Variants in MRGPRX3 observed in about 807,000 individuals in gnomAD.
The protein encoded by MRGPRX3 is MAS related GPR family member X3.
Under a neutral mutation model 16.5 loss-of-function variants are expected in MRGPRX3, and 14 were observed. The observed-to-expected ratio is 0.85, with a 90% CI of 0.56 to 1.33. The LOEUF (loss-of-function observed/expected upper bound fraction) is 1.33. Ranked by LOEUF, MRGPRX3 falls within the 40% of genes most tolerant of loss-of-function variation. The pLI is 0.00. For missense variants in MRGPRX3, 449 were observed against 413.0 expected, an observed-to-expected ratio of 1.09 and a Z score of -0.76; for synonymous variants, 199 against 180.1, an observed-to-expected ratio of 1.10 and a Z score of -0.84.
rs779578349 is a variant in MRGPRX3, at chr11:18,137,697, T to C, written c.495T>C (p.Phe165=). The change falls in exon 2 of 2, where the codon TTT becomes TTC. Residue 165 remains phenylalanine (F), a synonymous_variant. Transcript: ENST00000621697. ...AGTGGATGTTCTGTGACTTCCTGTT[T>C]AGTGGTGCTAATTCTGTTTGGTGTG... The part of the protein sequence containing the change: ...ILEWMFCDFL[F]SGANSVWCET... The C allele has an allele frequency of 3.7e-6, 6 of 1,614,022 alleles. No homozygotes were observed. The highest frequency in any genetic ancestry group is 3.4e-6 in the Non-Finnish European group (4 of 1,180,038).
intron 1 of MRGPRX3, among the ~76,000 whole-genome samples, chr11:18,121,993 CAATAAA>C (rs1255950557): frequency 3.2e-5 from 3 of 93,794 alleles, no homozygotes; most frequent in African/African-American, 1.2e-4. Flanking sequence ...CAAGAATGAT[CAATAAA>C]AATAAAATTT....
At chr11:18,134,599 C>G (rs1488778892) in intron 1 of MRGPRX3, among the ~76,000 whole-genome samples, 2 of 152,120 alleles carry the variant, frequency 1.3e-5, no homozygotes, top group Non-Finnish European at 2.9e-5. Context: ...TGTAAATACA[C>G]AAAAATGACA....
chr11:18,133,296 C>T (rs1295102704), intron 1 of MRGPRX3, among the ~76,000 whole-genome samples: 1 of 152,138 alleles, frequency 6.6e-6, no homozygotes, highest in Non-Finnish European at 1.5e-5. Flanking sequence ...TTACCATTGT[C>T]ACTATAGCCA....
chr11:18,133,149 T>G (rs1005937416), intron 1 of MRGPRX3, among the ~76,000 whole-genome samples: 1 of 152,230 alleles, frequency 6.6e-6, no homozygotes, highest in African/African-American at 2.4e-5. Flanking sequence ...AAGATATAGA[T>G]GGCCCAATAA....
Position 18,137,454 on chromosome 11 carries a change from G to C in MRGPRX3, c.252G>C (p.Pro84=), listed in dbSNP as rs148328055. 6.2e-7 allele frequency: 1 copy of C among 1,614,140 alleles called. No homozygotes were observed. Among genetic ancestry groups the C allele is most frequent in the Non-Finnish European group, 8.5e-7 (1 of 1,180,026 alleles). Residue 84 remains proline, a synonymous_variant, in exon 2 of 2, where the codon CCG becomes CCC. Coordinates refer to ENST00000621697, the MANE Select transcript of MRGPRX3 (RefSeq NM_001370464.1). ...TTAGCGGCCACATTATATGTTCGCCGTTACGCCTCATCAATATCCGCCATC... is the reference window on the plus strand; with the variant it reads ...TTAGCGGCCACATTATATGTTCGCCCTTACGCCTCATCAATATCCGCCATC... The part of the protein sequence containing the change: ...LFLSGHIICS[P]LRLINIRHPI...
At position 18,137,178 on chromosome 11, in the gene MRGPRX3, G is replaced by A. The variant is rs1564881864; in HGVS notation, c.-25G>A. 1 of 1,558,264 alleles carries A rather than the reference G, an allele frequency of 6.4e-7. No homozygotes were observed. The highest frequency in any genetic ancestry group is 8.7e-7 in the Non-Finnish European group (1 of 1,150,350). ...GATCACATCTGGTTTCTGTTTCCAG[G>A]GTCATCAGACTGGGGTTTCTGAGCA... On this transcript the variant is annotated splice_region_variant and 5_prime_UTR_variant, in exon 2 of 2. Transcript: ENST00000621697.
intron 1 of MRGPRX3, among the ~76,000 whole-genome samples, chr11:18,125,123 T>A (rs1159806659): frequency 6.6e-6 from 1 of 150,862 alleles, no homozygotes; most frequent in Non-Finnish European, 1.5e-5. Flanking sequence ...ATTTTGTTGA[T>A]CTTTTCAAAA....
chr11:18,126,646 C>T (rs1263670410), intron 1 of MRGPRX3, among the ~76,000 whole-genome samples: 3 of 152,112 alleles, frequency 2.0e-5, no homozygotes, highest in Non-Finnish European at 2.9e-5. Context: ...TCCCCCTTCC[C>T]CCACCCCACA....
chr11:18,132,428 C>T (rs1171940418), upstream of MRGPRX3: 3 of 152,140 alleles, frequency 2.0e-5, no homozygotes, highest in African/African-American at 7.2e-5. Context: ...GGAAGTTGAA[C>T]AAGATGGGAC....
rs778729992 is a variant in MRGPRX3, at chr11:18,137,304, G to A, written c.102G>A (p.Thr34=). 29 of 1,614,154 alleles carry A rather than the reference G, an allele frequency of 1.8e-5. No individual in the cohort carries two copies. Among genetic ancestry groups the A allele is most frequent in the African/African-American group, 2.7e-5 (2 of 75,044 alleles). Reference sequence around the variant, plus strand: ...AGACCCTGAGCTTCACGGGGCTGACGTGCATCGTTTCCCTTGTCGCGCTGA... The same window carrying A: ...AGACCCTGAGCTTCACGGGGCTGACATGCATCGTTTCCCTTGTCGCGCTGA... ...YKQTLSFTGL[T]CIVSLVALTG... Residue 34 remains threonine (T), a synonymous_variant, in exon 2 of 2, where the codon ACG becomes ACA. Coordinates refer to ENST00000621697, the MANE Select transcript of MRGPRX3 (RefSeq NM_001370464.1).
chr11:18,135,492 C>T (rs1849000259), intron 1 of MRGPRX3, among the ~76,000 whole-genome samples: 1 of 152,204 alleles, frequency 6.6e-6, no homozygotes, highest in Non-Finnish European at 1.5e-5. Context: ...GAGGAGGATG[C>T]ATCTTCTTTC....
chr11:18,137,575 C>T lies in MRGPRX3; in HGVS notation c.373C>T (p.Leu125=). 1 of 1,614,182 alleles carries T rather than the reference C, an allele frequency of 6.2e-7. No homozygotes were observed. Among genetic ancestry groups the T allele is most frequent in the Non-Finnish European group, 8.5e-7 (1 of 1,180,046 alleles). Reference sequence around the variant, plus strand: ...CAGCACCGAGCGCTGCCTGTCCATCCTGTGGCCCATCTGGTACCACTGCCG... The same window carrying T: ...CAGCACCGAGCGCTGCCTGTCCATCTTGTGGCCCATCTGGTACCACTGCCG... ...AISTERCLSI[L]WPIWYHCRRP... Residue 125 remains leucine (L), a synonymous_variant, in exon 2 of 2, where the codon CTG becomes TTG. Transcript: ENST00000621697.
intron 1 of MRGPRX3, among the ~76,000 whole-genome samples, chr11:18,127,138 C>G (rs984963135): frequency 2.6e-5 from 4 of 152,198 alleles, no homozygotes; most frequent in African/African-American, 9.7e-5. Flanking sequence ...GCCGAGAGAT[C>G]CACTGTTATT....
At chr11:18,130,948 T>C (rs1358746901), upstream of MRGPRX3, among the ~76,000 whole-genome samples, 1 of 152,114 alleles carries the variant, frequency 6.6e-6, no homozygotes, top group East Asian at 1.9e-4. Context: ...ACATTCTAGT[T>C]AACAAATGGT....
chr11:18,125,766 C>G (rs533074001), intron 1 of MRGPRX3, among the ~76,000 whole-genome samples: 5 of 152,248 alleles, frequency 3.3e-5, no homozygotes, highest in South Asian at 4.1e-4. Flanking sequence ...TCTTGTTGAT[C>G]TATCTAATAT....
intron 1 of MRGPRX3, among the ~76,000 whole-genome samples, chr11:18,121,990 G>T (rs1241988442): frequency 9.4e-6 from 1 of 106,344 alleles, no homozygotes; most frequent in African/African-American, 3.6e-5. Flanking sequence ...ACCCAAGAAT[G>T]ATCAATAAAA....
intron 1 of MRGPRX3, among the ~76,000 whole-genome samples, chr11:18,123,139 C>G (rs558616862): frequency 3.8e-4 from 58 of 152,250 alleles, no homozygotes; most frequent in African/African-American, 1.4e-3. Flanking sequence ...CTGTAGGTTG[C>G]CTGTTTGCTC....
chr11:18,124,840 A>T (rs1471345463), intron 1 of MRGPRX3, among the ~76,000 whole-genome samples: 1 of 152,060 alleles, frequency 6.6e-6, no homozygotes, highest in Non-Finnish European at 1.5e-5. Flanking sequence ...GGTTGGTAAG[A>T]TGTTAATTAT....
At chr11:18,133,906 A>T (rs1284915667) in intron 1 of MRGPRX3, among the ~76,000 whole-genome samples, 1 of 152,182 alleles carries the variant, frequency 6.6e-6, no homozygotes, top group African/African-American at 2.4e-5. Context: ...GAAACCAGAA[A>T]TAAAAAGAAT....
Sources: gnomAD v4.1 joint callset for allele counts (sites outside exome capture counted in the v4.1 genomes callset) on GRCh38, gnomAD v4.1.1 for gene constraint, MANE v1.5 for transcripts, NCBI Gene and HGNC (gene_info 2026-07-23, HGNC 2026-07-21) for gene names.